Variants in SHISA9 observed in about 807,000 individuals in gnomAD.
SHISA9 encodes the protein protein shisa-9.
A neutral mutation model predicts 38.0 loss-of-function variants in SHISA9; 13 were observed. That is an observed-to-expected ratio of 0.34 (90% CI 0.22 to 0.54). The LOEUF (loss-of-function observed/expected upper bound fraction) is 0.54. Ranked by LOEUF, SHISA9 falls within the 20% of genes least tolerant of loss-of-function variation. The pLI is 0.91. For synonymous variants in SHISA9, 275 were observed against 242.0 expected (o/e 1.14, Z -1.27); for missense variants, 538 against 575.8 (o/e 0.93, Z 0.67).
downstream of SHISA9, among the ~76,000 whole-genome samples, chr16:13,243,727 T>C (rs2051451643): frequency 2.0e-5 from 3 of 151,254 alleles, no homozygotes; most frequent in South Asian, 6.3e-4. Flanking sequence ...CCTGAACCAG[T>C]GTTTCAGGGG....
rs543360326 is a variant in SHISA9 at position 12,902,736 on chromosome 16, C to T, written c.563+109C>T. The stretch of plus-strand genomic sequence containing the variant: ...CCCCACGGTCCCCGCTCCCCGCATC[C>T]CAGCCTCTCCGCTGGGGGATGTCAC... On this transcript the variant is annotated intron_variant, in intron 1 of 4. Coordinates refer to ENST00000558583, the MANE Select transcript of SHISA9 (RefSeq NM_001145204.3). 397 of 1,168,728 alleles carry T rather than the reference C, an allele frequency of 3.4e-4. 1 individual carries two copies. In the African/African-American group the frequency reaches 5.6e-3, roughly 16 times the overall value. 72.4% of individuals were successfully genotyped at this position (1,168,728 alleles called of 1,614,324 possible). A position where few individuals can be genotyped will look rare whatever the true frequency, so the allele number is the denominator to read the frequency against.
At chr16:12,959,614 A>G (rs2071883029) in intron 2 of SHISA9, among the ~76,000 whole-genome samples, 1 of 152,194 alleles carries the variant, frequency 6.6e-6, no homozygotes, top group African/African-American at 2.4e-5. Context: ...CAGGGCGGAG[A>G]GAGATAACCA....
the SHISA9 span, among the ~76,000 whole-genome samples, chr16:13,475,195 A>G: frequency 1.3e-5 from 2 of 152,038 alleles, no homozygotes; most frequent in Non-Finnish European, 2.9e-5. Flanking sequence ...TGTGTTTTGG[A>G]GGTGGAGTTC....
rs191740896 is a variant in SHISA9 at position 12,978,085 on chromosome 16, G to A, written c.691+61270G>A. Among the ~76,000 whole-genome samples, 98 of 152,258 alleles carry A rather than the reference G, an allele frequency of 6.4e-4. 3 individuals carry two copies. Among genetic ancestry groups the A allele is most frequent in the Admixed American group, 5.7e-3 (87 of 15,286 alleles). On this transcript the variant is annotated intron_variant, in intron 2 of 4. Coordinates refer to ENST00000558583, the MANE Select transcript of SHISA9 (RefSeq NM_001145204.3). ...AGAGGGACTAGTTGGTGCAAAGACA[G>A]GCAAGAGAAACAAACAGAAAGGGAG...
the SHISA9 span, among the ~76,000 whole-genome samples, chr16:13,346,267 A>G: frequency 6.6e-6 from 1 of 152,142 alleles, no homozygotes; most frequent in Non-Finnish European, 1.5e-5. Flanking sequence ...CTTCAGTTTC[A>G]TGCAAGTTAC....
chr16:13,507,944 GTA>G, the SHISA9 span, among the ~76,000 whole-genome samples: 1 of 152,188 alleles, frequency 6.6e-6, no homozygotes, highest in African/African-American at 2.4e-5. Context: ...GATTGCAACT[GTA>G]ATGCATACTT....
At chr16:12,992,160 T>G (rs1406945026) in intron 2 of SHISA9, among the ~76,000 whole-genome samples, 3 of 152,166 alleles carry the variant, frequency 2.0e-5, no homozygotes, top group Non-Finnish European at 4.4e-5. Flanking sequence ...TTAACGCTGA[T>G]AAGTTTGAGA....
At chr16:12,992,748 C>T (rs530293754) in intron 2 of SHISA9, among the ~76,000 whole-genome samples, 1 of 152,292 alleles carries the variant, frequency 6.6e-6, no homozygotes, top group South Asian at 2.1e-4. Context: ...GTCACTCTGT[C>T]ATTTTTGCTT....
At chr16:13,475,518 A>T in the SHISA9 span, among the ~76,000 whole-genome samples, 2 of 152,084 alleles carry the variant, frequency 1.3e-5, no homozygotes, top group African/African-American at 2.4e-5. Context: ...AGTAATGGTC[A>T]CTCATGGAAT....
chr16:13,342,431 G>A, the SHISA9 span, among the ~76,000 whole-genome samples: 1 of 152,166 alleles, frequency 6.6e-6, no homozygotes, highest in Non-Finnish European at 1.5e-5. Flanking sequence ...GGGATTACAG[G>A]CATGTGCCAC....
At chr16:13,143,785 C>T (rs1415112900) in intron 2 of SHISA9, among the ~76,000 whole-genome samples, 1 of 152,216 alleles carries the variant, frequency 6.6e-6, no homozygotes, top group African/African-American at 2.4e-5. Flanking sequence ...CTAGCTTGTC[C>T]TGAGTGACTC....
At chr16:12,953,577 C>A (rs1218086358) in intron 2 of SHISA9, among the ~76,000 whole-genome samples, 2 of 152,204 alleles carry the variant, frequency 1.3e-5, no homozygotes, top group Non-Finnish European at 1.5e-5. Flanking sequence ...CAATGAGCAT[C>A]AAGTAGGCAT....
intron 2 of SHISA9, among the ~76,000 whole-genome samples, chr16:12,963,318 G>A (rs2071935319): frequency 6.6e-6 from 1 of 152,196 alleles, no homozygotes; most frequent in African/African-American, 2.4e-5. Flanking sequence ...CATAGTCTCT[G>A]TCTTTTCCTC....
At chr16:13,033,875 G>T (rs143932587) in intron 2 of SHISA9, among the ~76,000 whole-genome samples, 12 of 152,360 alleles carry the variant, frequency 7.9e-5, no homozygotes, top group African/African-American at 2.9e-4. Flanking sequence ...GCTGGGCGCT[G>T]TGGCTCACGC....
At chr16:13,403,739 C>A in the SHISA9 span, among the ~76,000 whole-genome samples, 2 of 152,196 alleles carry the variant, frequency 1.3e-5, no homozygotes, top group Non-Finnish European at 2.9e-5. Flanking sequence ...TGACGCCTTT[C>A]TAATTCAGGG....
At chr16:13,091,668 C>T (rs1425505792) in intron 2 of SHISA9, among the ~76,000 whole-genome samples, 1 of 152,144 alleles carries the variant, frequency 6.6e-6, no homozygotes, top group Non-Finnish European at 1.5e-5. Flanking sequence ...TTAAAGTCTT[C>T]TCTACACTGT....
the SHISA9 span, among the ~76,000 whole-genome samples, chr16:13,402,417 T>C: frequency 0.037 from 5,586 of 152,148 alleles, 328 homozygotes; most frequent in African/African-American, 0.13. Flanking sequence ...GACATTTCTG[T>C]GCCAGAAGAG....
chr16:12,934,197 G>T (rs1215801434), intron 2 of SHISA9, among the ~76,000 whole-genome samples: 1 of 152,176 alleles, frequency 6.6e-6, no homozygotes, highest in Non-Finnish European at 1.5e-5. Flanking sequence ...TTCAGAAAAA[G>T]GAACAAAGTA....
chr16:13,147,132 A>T (rs1209807984), intron 2 of SHISA9, among the ~76,000 whole-genome samples: 1 of 152,200 alleles, frequency 6.6e-6, no homozygotes, highest in African/African-American at 2.4e-5. Context: ...TTTGGCTGAG[A>T]TAGCATTGCC....
Sources: allele counts gnomAD v4.1 joint callset (sites outside exome capture counted in the v4.1 genomes callset), GRCh38; gene constraint gnomAD v4.1.1; transcripts MANE v1.5; gene names NCBI Gene and HGNC (gene_info 2026-07-23, HGNC 2026-07-21).